PAPOLG: variants seen among roughly 807,000 people sequenced by gnomAD.
PAPOLG encodes the protein poly(A) polymerase gamma, also known as PAP-gamma.
In PAPOLG, 40 loss-of-function variants were observed where a neutral mutation model predicts 99.0. The observed-to-expected ratio is 0.40, with a 90% confidence interval of 0.31 to 0.53. The LOEUF (loss-of-function observed/expected upper bound fraction) is 0.53, where lower values mean the gene tolerates loss of function less well. PAPOLG is among the 20% of genes least tolerant of loss of function. The probability of loss-of-function intolerance (pLI) is 0.41; values close to 1 mark genes in which losing one functional copy is unlikely to be tolerated. For synonymous variants in PAPOLG, 310 were observed against 299.3 expected, an observed-to-expected ratio of 1.04 and a Z score of -0.37; for missense variants, 675 against 884.1, an observed-to-expected ratio of 0.76 and a Z score of 3.00.
At chr2:60,759,127 G>A (rs936792607) in intron 1 of PAPOLG, among the ~76,000 whole-genome samples, 3 of 152,206 alleles carry the variant, frequency 2.0e-5, no homozygotes, top group Non-Finnish European at 4.4e-5. Context: ...CCAGCACCGT[G>A]GGAGGCCGAG....
At chr2:60,772,446 CA>C (rs35297734) in intron 7 of PAPOLG, among the ~76,000 whole-genome samples, 1,685 of 84,118 alleles carry the variant, frequency 0.02, 16 homozygotes, top group Middle Eastern at 0.028. Flanking sequence ...GACCCTGTCT[CA>C]AAAAAAAAAA....
At chr2:60,779,567 G>T in intron 8 of PAPOLG, 70 bp from the exon 9 acceptor site, 1 of 1,492,250 alleles carries the variant, frequency 6.7e-7, no homozygotes, top group Non-Finnish European at 9.1e-7. Flanking sequence ...ACCTTGTAAA[G>T]AGCAGAAAAA....
intron 5 of PAPOLG, among the ~76,000 whole-genome samples, chr2:60,769,472 C>G (rs1315563629): frequency 6.6e-6 from 1 of 152,012 alleles, no homozygotes; most frequent in Non-Finnish European, 1.5e-5. Context: ...TTCTGAAGTG[C>G]TAGAATAAGG....
At chr2:60,776,121 A>G (rs567794801) in intron 8 of PAPOLG, among the ~76,000 whole-genome samples, 5 of 152,232 alleles carry the variant, frequency 3.3e-5, no homozygotes, top group East Asian at 1.9e-4. Context: ...CATGGGCTAT[A>G]GAATAGATGC....
chr2:60,800,406 C>T lies in PAPOLG; in HGVS notation c.*3246C>T, dbSNP rs576152663. On this transcript the variant is annotated 3_prime_UTR_variant, in exon 22 of 22. Transcript: ENST00000238714. ...CCATGTTGGCCAGGGTGGTCTTGAA[C>T]TCCTCACCTCAAGTGATCTGGCTGC... 6.6e-6 allele frequency: 1 copy of T among 152,398 alleles called. No individual in the cohort carries two copies. Among genetic ancestry groups the T allele is most frequent in the East Asian group, 1.9e-4 (1 of 5,228 alleles). 9.4% of individuals were successfully genotyped at this position (152,398 alleles called of 1,614,324 possible).
chr2:60,788,148 TAAAAG>T (rs929267586), intron 15 of PAPOLG, among the ~76,000 whole-genome samples: 7 of 151,968 alleles, frequency 4.6e-5, no homozygotes, highest in African/African-American at 1.7e-4. Flanking sequence ...TATATAAAAA[TAAAAG>T]AAAATAAATA....
At chr2:60,796,590 G>C (rs958131130) in intron 21 of PAPOLG, among the ~76,000 whole-genome samples, 1 of 152,066 alleles carries the variant, frequency 6.6e-6, no homozygotes, top group African/African-American at 2.4e-5. Flanking sequence ...TGAGTCAGTG[G>C]TCTTCTTCAT....
chr2:60,787,919 C>T (rs959960283), intron 15 of PAPOLG, among the ~76,000 whole-genome samples: 2 of 151,784 alleles, frequency 1.3e-5, no homozygotes, highest in Non-Finnish European at 2.9e-5. Flanking sequence ...AGTGTGGTGG[C>T]GGATGCCAGC....
chr2:60,791,241 G>A lies in PAPOLG; in HGVS notation c.1397-520G>A, dbSNP rs943246699. ...TTTGATTATGAGAAAGTCTTAGAAAGTGGACATGGAAAAACTATTGGATTC... is the reference window on the plus strand; with the variant it reads ...TTTGATTATGAGAAAGTCTTAGAAAATGGACATGGAAAAACTATTGGATTC... On this transcript the variant is annotated intron_variant, in intron 15 of 21. Coordinates refer to ENST00000238714, the MANE Select transcript of PAPOLG (RefSeq NM_022894.4). Among the ~76,000 whole-genome samples the A allele has an allele frequency of 2.6e-5, 4 of 152,284 alleles. No homozygotes were observed. The South Asian group carries it at 8.3e-4, about 32-fold the overall frequency.
chr2:60,767,663 T>TAAGG (rs1313548294), intron 3 of PAPOLG, among the ~76,000 whole-genome samples: 1 of 152,202 alleles, frequency 6.6e-6, no homozygotes, highest in Non-Finnish European at 1.5e-5. Context: ...ATAGCTCTCA[T>TAAGG]AAGGAGATCA....
intron 21 of PAPOLG, 30 bp from the exon 22 acceptor site, chr2:60,797,032 C>T: frequency 6.2e-7 from 1 of 1,612,474 alleles, no homozygotes; most frequent in Non-Finnish European, 8.5e-7. Flanking sequence ...ATGTGCTTTT[C>T]CTTTTTTGTT....
At chr2:60,760,778 C>T (rs1313275974) in intron 2 of PAPOLG, among the ~76,000 whole-genome samples, 1 of 152,074 alleles carries the variant, frequency 6.6e-6, no homozygotes, top group Non-Finnish European at 1.5e-5. Context: ...GCTCTTAGGA[C>T]CTTGTAAGGT....
chr2:60,756,356 G>A lies in PAPOLG; in HGVS notation c.-123G>A. On this transcript the variant is annotated 5_prime_UTR_variant, in exon 1 of 22. Coordinates refer to ENST00000238714, the MANE Select transcript of PAPOLG (RefSeq NM_022894.4). Reference sequence around the variant, plus strand: ...GTTGGATGCCTCAGCCATAGTAAGTGGGAAAGTGAGCGAGCAAGCGAGCTA... The same window carrying A: ...GTTGGATGCCTCAGCCATAGTAAGTAGGAAAGTGAGCGAGCAAGCGAGCTA... 1 of 1,244,530 alleles carries A rather than the reference G, an allele frequency of 8.0e-7. No homozygotes were observed. Among genetic ancestry groups the A allele is most frequent in the Non-Finnish European group, 1.2e-6 (1 of 848,420 alleles). The allele number at this position is 1,244,530 out of a possible 1,614,324, so 77.1% of individuals were successfully genotyped here.
At chr2:60,769,159 A>G (rs531899874) in intron 5 of PAPOLG, among the ~76,000 whole-genome samples, 1 of 152,298 alleles carries the variant, frequency 6.6e-6, no homozygotes, top group African/African-American at 2.4e-5. Context: ...CTGATCTGTA[A>G]AACAGAGATG....
chr2:60,786,843 T>C, intron 13 of PAPOLG, 104 bp from the exon 14 acceptor site: 1 of 1,401,960 alleles, frequency 7.1e-7, no homozygotes, highest in Non-Finnish European at 9.5e-7. Context: ...AGTTTTTTAA[T>C]GAACATGTAA....
intron 1 of PAPOLG, among the ~76,000 whole-genome samples, chr2:60,759,820 C>T (rs1670470674): frequency 6.6e-6 from 1 of 152,158 alleles, no homozygotes; most frequent in Admixed American, 6.5e-5. Flanking sequence ...GGAGGTGGCC[C>T]TGGCACAGAT....
At chr2:60,769,124 TAACCTAATCCTCTGAG>T (rs1451444976) in intron 5 of PAPOLG, among the ~76,000 whole-genome samples, 1 of 152,184 alleles carries the variant, frequency 6.6e-6, no homozygotes, top group African/African-American at 2.4e-5. Flanking sequence ...CTTGGTCAAG[TAACCTAATCCTCTGAG>T]CCTGTTTCCT....
intron 1 of PAPOLG, among the ~76,000 whole-genome samples, chr2:60,757,972 TAG>T (rs1219147246): frequency 6.6e-6 from 1 of 152,176 alleles, no homozygotes; most frequent in African/African-American, 2.4e-5. Flanking sequence ...CTGAAGTAGT[TAG>T]AGAGGAGAGA....
intron 21 of PAPOLG, among the ~76,000 whole-genome samples, chr2:60,796,443 A>G (rs1415774696): frequency 6.6e-6 from 1 of 151,428 alleles, no homozygotes; most frequent in Non-Finnish European, 1.5e-5. Flanking sequence ...CCGGCCCTAG[A>G]TTTTGCCTTC....
Sources: gnomAD v4.1 joint callset for allele counts (sites outside exome capture counted in the v4.1 genomes callset) on GRCh38, gnomAD v4.1.1 for gene constraint, MANE v1.5 for transcripts, NCBI Gene and HGNC (gene_info 2026-07-23, HGNC 2026-07-21) for gene names.